Variants in VASH1 observed in about 807,000 individuals in gnomAD.
VASH1 encodes vasohibin 1.
Under a neutral mutation model 35.0 loss-of-function variants are expected in VASH1, and 16 were observed. The ratio of observed to expected loss-of-function variants is 0.46; its 90% confidence interval spans 0.31 to 0.70. The LOEUF is 0.70. VASH1 is among the 30% of genes least tolerant of loss of function. VASH1 has a pLI of 0.05. For missense variants in VASH1, 505 were observed against 510.7 expected, an observed-to-expected ratio of 0.99 and a Z score of 0.11; for synonymous variants, 214 against 200.9, an observed-to-expected ratio of 1.07 and a Z score of -0.55.
chr14:76,769,927 CTCT>C (rs1430718902), intron 1 of VASH1, 33 bp from the exon 2 acceptor site: 8 of 1,605,520 alleles, frequency 5.0e-6, no homozygotes, highest in African/African-American at 4.0e-5. Context: ...CAAGGTGAGC[CTCT>C]TCTTGTGACC....
intron 2 of VASH1, among the ~76,000 whole-genome samples, chr14:76,770,894 G>A (rs1365245006): frequency 1.3e-5 from 2 of 152,234 alleles, no homozygotes; most frequent in African/African-American, 4.8e-5. Context: ...CAGCTGGTTG[G>A]AAGATGAAGT....
intron 3 of VASH1, among the ~76,000 whole-genome samples, chr14:76,772,846 C>G (rs1893829505): frequency 6.6e-6 from 1 of 152,232 alleles, no homozygotes; most frequent in Non-Finnish European, 1.5e-5. Context: ...TGCCCTCCCC[C>G]AGAGCTCTTT....
rs1392398140 is a variant in VASH1 at position 76,762,931 on chromosome 14, C to G, written c.110C>G (p.Thr37Ser). 14 of 1,572,094 alleles carry G rather than the reference C, an allele frequency of 8.9e-6. No individual in the cohort carries two copies. In the Admixed American group the frequency reaches 1.9e-4, roughly 21 times the overall value. ...GVRRLETSEG[T>S]SAQRDEEPEE... ...AGGCGTTTGGAGACCAGCGAAGGAACCTCAGCCCAGAGAGATGAGGAGCCA... is the reference window on the plus strand; with the variant it reads ...AGGCGTTTGGAGACCAGCGAAGGAAGCTCAGCCCAGAGAGATGAGGAGCCA... Residue 37 changes from threonine (T) to serine (S), a missense_variant, in exon 1 of 7, where the codon ACC becomes AGC. Transcript: ENST00000167106.
At chr14:76,777,888 G>C in intron 5 of VASH1, 71 bp from the exon 6 acceptor site, 1 of 1,218,320 alleles carries the variant, frequency 8.2e-7, no homozygotes, top group Admixed American at 4.0e-5. Flanking sequence ...GGGACCTGTG[G>C]CTCCTGGAAG....
Position 76,762,612 on chromosome 14 carries a change from A to G in VASH1, c.-210A>G. ...AAACAGAACAAGGCCTCCAAGGCTGACCCCAGACAACCCACCCCCTCGGAC... is the reference window on the plus strand; with the variant it reads ...AAACAGAACAAGGCCTCCAAGGCTGGCCCCAGACAACCCACCCCCTCGGAC... On this transcript the variant is annotated 5_prime_UTR_variant, in exon 1 of 7. The change abolishes the stop of an existing upstream ORF in the 5' untranslated region. Coordinates refer to ENST00000167106, the MANE Select transcript of VASH1 (RefSeq NM_014909.5). 2.4e-6 allele frequency: 1 copy of G among 424,204 alleles called. No individual in the cohort carries two copies. Among genetic ancestry groups the G allele is most frequent in the Non-Finnish European group, 4.2e-6 (1 of 236,718 alleles). The allele number at this position is 424,204 out of a possible 1,614,324, so 26.3% of individuals were successfully genotyped here.
At chr14:76,763,411 A>G (rs553742464) in intron 1 of VASH1, among the ~76,000 whole-genome samples, 2 of 152,364 alleles carry the variant, frequency 1.3e-5, no homozygotes, top group East Asian at 3.9e-4. Flanking sequence ...CAAACACAGT[A>G]GGATGGCTTG....
intron 1 of VASH1, among the ~76,000 whole-genome samples, chr14:76,764,860 A>G (rs1396147864): frequency 1.3e-5 from 2 of 151,698 alleles, no homozygotes; most frequent in Non-Finnish European, 2.9e-5. Context: ...TAATTTTTGT[A>G]TTTTTGGTAG....
chr14:76,774,480 C>A (rs1316075907), intron 4 of VASH1: 1 of 152,262 alleles, frequency 6.6e-6, no homozygotes, highest in Non-Finnish European at 1.5e-5. Flanking sequence ...TGGTCCTTTT[C>A]CCCAGGAGGA....
chr14:76,776,123 C>T lies in VASH1; in HGVS notation c.762C>T (p.Leu254=). The T allele has an allele frequency of 6.2e-7, 1 of 1,609,778 alleles. No homozygotes were observed. The highest frequency in any genetic ancestry group is 1.3e-5 in the African/African-American group (1 of 75,050). ...CCTACGGCCGCTGCTGGCACGTGCTCAAGAAGGTGAAGCTGGGCCAGAGCG... is the reference window on the plus strand; with the variant it reads ...CCTACGGCCGCTGCTGGCACGTGCTTAAGAAGGTGAAGCTGGGCCAGAGCG... ...EAAYGRCWHV[L]KKVKLGQSVS... is the part of the protein sequence containing the mutation. The change falls in exon 5 of 7, where the codon CTC becomes CTT. Residue 254 remains leucine, a synonymous_variant. Coordinates refer to ENST00000167106, the MANE Select transcript of VASH1 (RefSeq NM_014909.5).
At chr14:76,778,384 C>T (rs373032318) in intron 6 of VASH1, among the ~76,000 whole-genome samples, 27 of 152,260 alleles carry the variant, frequency 1.8e-4, no homozygotes, top group Admixed American at 1.6e-3. Context: ...TGGGGGAGGG[C>T]GTGAATATTA....
At chr14:76,772,644 C>T (rs191147642) in intron 3 of VASH1, among the ~76,000 whole-genome samples, 5 of 152,380 alleles carry the variant, frequency 3.3e-5, no homozygotes, top group African/African-American at 1.2e-4. Context: ...TAAGATCCCA[C>T]ATCCAGGCTC....
At chr14:76,778,880 C>A in intron 6 of VASH1, 66 bp from the exon 7 acceptor site, 1 of 1,521,978 alleles carries the variant, frequency 6.6e-7, no homozygotes, top group Non-Finnish European at 9.1e-7. Context: ...CCGCTGCTGG[C>A]TCCCCAACTC....
chr14:76,768,487 G>C (rs758081645), intron 1 of VASH1, among the ~76,000 whole-genome samples: 1 of 152,092 alleles, frequency 6.6e-6, no homozygotes, highest in Non-Finnish European at 1.5e-5. Context: ...TGTGGCCCTG[G>C]ACCAGGGCCC....
chr14:76,764,098 C>T (rs1893578753), intron 1 of VASH1, among the ~76,000 whole-genome samples: 1 of 151,816 alleles, frequency 6.6e-6, no homozygotes. Context: ...GGACTGAGTT[C>T]AGAGCCCAGT....
Position 76,762,972 on chromosome 14 carries a change from G to T in VASH1, c.151G>T (p.Glu51Ter). 1.3e-6 allele frequency: 2 copies of T among 1,554,530 alleles called. No homozygotes were observed. The highest frequency in any genetic ancestry group is 1.7e-6 in the Non-Finnish European group (2 of 1,149,166). The change falls in exon 1 of 7, where the codon GAG (glutamate) becomes TAG (stop). Residue 51 changes from glutamate to a stop codon, truncating the protein, a stop_gained. Transcript: ENST00000167106. LOFTEE classifies it high-confidence loss of function. ...TGAGGAGCCAGAAGAGGAAGGGGAA[G>T]AGGACCTGCGAGACGGAGGCGTCCC... ...RDEEPEEEGEEDLRDGGVPFF... is the reference protein window; with the variant it reads ...RDEEPEEEGE
rs375258508 is a variant in VASH1, at chr14:76,769,852, G to C, written c.310-111G>C. ...GAAGCTCAAGTGGGAGGGAGGGGAG[G>C]CTGTGCCTCCCCAGGGTGGGGCGCC... On this transcript the variant is annotated intron_variant, in intron 1 of 6. Coordinates refer to ENST00000167106, the MANE Select transcript of VASH1 (RefSeq NM_014909.5). 2.4e-4 allele frequency: 257 copies of C among 1,063,046 alleles called. 2 individuals are homozygous for C. The African/African-American group carries it at 3.6e-3, about 15-fold the overall frequency. The allele number at this position is 1,063,046 out of a possible 1,614,324, so 65.9% of individuals were successfully genotyped here. A position where few individuals can be genotyped will look rare whatever the true frequency, so the allele number is the denominator to read the frequency against.
At chr14:76,763,181 C>CT (rs1214570744) in intron 1 of VASH1, 51 bp downstream of exon 1, 4 of 1,370,872 alleles carry the variant, frequency 2.9e-6, no homozygotes, top group Non-Finnish European at 3.8e-6. Flanking sequence ...TTTTAGTGAC[C>CT]TTGGGGCCAA....
chr14:76,775,744 G>A (rs937425233), intron 4 of VASH1, 148 bp from the exon 5 acceptor site: 1 of 1,249,680 alleles, frequency 8.0e-7, no homozygotes, highest in South Asian at 1.6e-5. Context: ...ATACCAGGAG[G>A]AGACGCCAGG....
At chr14:76,770,948 G>A (rs529858845) in intron 2 of VASH1, among the ~76,000 whole-genome samples, 2 of 152,342 alleles carry the variant, frequency 1.3e-5, no homozygotes, top group African/African-American at 2.4e-5. Context: ...TCTGGCCCTC[G>A]CCGAACTGGT....
Sources: gnomAD v4.1 joint callset for allele counts (sites outside exome capture counted in the v4.1 genomes callset) on GRCh38, gnomAD v4.1.1 for gene constraint, MANE v1.5 for transcripts, NCBI Gene and HGNC (gene_info 2026-07-23, HGNC 2026-07-21) for gene names.